The following SMO variants were observed in gnomAD, a reference collection of about 807,000 sequenced individuals.
SMO encodes the protein protein smoothened.
A neutral mutation model predicts 81.6 loss-of-function variants in SMO; 40 were observed. The observed-to-expected ratio is 0.49, with a 90% CI of 0.38 to 0.64. SMO has a LOEUF of 0.64. Among genes scored for constraint, SMO ranks in the 30% least tolerant of loss-of-function variants. The probability of loss-of-function intolerance (pLI) is 0.00; values close to 1 mark genes in which losing one functional copy is unlikely to be tolerated. For missense variants in SMO, 916 were observed against 1,061.1 expected (o/e 0.86, Z 1.90); for synonymous variants, 434 against 432.1 (o/e 1.00, Z -0.05).
rs769898096 is a variant in SMO, at chr7:129,205,420, G to A, written c.747+8G>A. 5.0e-6 allele frequency: 8 copies of A among 1,604,842 alleles called. No homozygotes were observed. The highest frequency in any genetic ancestry group is 4.0e-5 in the African/African-American group (3 of 74,692). Reference sequence around the variant, plus strand: ...TGCACGCTCTTCACCCTGGTCAGCCGCGGGAGGGCAGGCCCGGGGGGCCCT... The same window carrying A: ...TGCACGCTCTTCACCCTGGTCAGCCACGGGAGGGCAGGCCCGGGGGGCCCT... On this transcript the variant is annotated splice_region_variant and intron_variant, in intron 3 of 11. Transcript: ENST00000249373.
At position 129,208,995 on chromosome 7, in the gene SMO, AG is replaced by A. The variant is rs1490382424; in HGVS notation, c.1357+145del. On this transcript the variant is annotated intron_variant, in intron 7 of 11. Transcript: ENST00000249373. The surrounding 1 kb of genome is among the most constrained non-coding windows in gnomAD (Gnocchi z 5.2). Reference sequence around the variant, plus strand: ...AGGACAAGGGGTGTGTGTAGGTGGTAGTGGTAGTGGCAGCTCAAAAGAAGGG... The same window carrying A: ...AGGACAAGGGGTGTGTGTAGGTGGTATGGTAGTGGCAGCTCAAAAGAAGGG... 1.7e-5 allele frequency: 11 copies of A among 648,414 alleles called. No homozygotes were observed. Among genetic ancestry groups the A allele is most frequent in the Non-Finnish European group, 3.1e-5 (11 of 359,688 alleles). The allele number at this position is 648,414 out of a possible 1,614,324, so 40.2% of individuals were successfully genotyped here. A position where few individuals can be genotyped will look rare whatever the true frequency, so the allele number is the denominator to read the frequency against.
chr7:129,200,030 TG>T (rs1170488852), intron 1 of SMO, among the ~76,000 whole-genome samples: 1 of 152,228 alleles, frequency 6.6e-6, no homozygotes, highest in Non-Finnish European at 1.5e-5. Context: ...TTATGATTTT[TG>T]TATCGATTTT....
In SMO at chr7:129,206,403, G is replaced by A. The variant is rs199913216; in HGVS notation, c.1140+34G>A. On this transcript the variant is annotated intron_variant, in intron 5 of 11. Transcript: ENST00000249373. The surrounding 1 kb of genome is among the most constrained non-coding windows in gnomAD (Gnocchi z 4.4). ...ACTGGTAGGAACGGGAGACCTGGAT[G>A]GGGTGAGTTTGAGGGAGGGGGCCAG... 1,951 of 1,613,646 alleles carry A rather than the reference G, an allele frequency of 1.2e-3. 2 individuals carry two copies. The highest frequency in any genetic ancestry group is 1.1e-3 in the Non-Finnish European group (1,253 of 1,179,890).
In SMO at chr7:129,210,965, G is replaced by A. The variant is rs746009867; in HGVS notation, c.1653G>A (p.Arg551=). Residue 551 remains arginine, a splice_region_variant and synonymous_variant, in exon 10 of 12, where the codon AGG becomes AGA. Transcript: ENST00000249373. This position sits in a 1 kb window ranked among gnomAD's most constrained non-coding sequence, Gnocchi z 4.7. ...TLLIWRRTWC[R]LTGQSDDEPK... The stretch of plus-strand genomic sequence containing the variant: ...CCTTCCCTATCCCTTCTGCTCTCAG[G>A]TTGACTGGGCAGAGTGACGATGAGC... 5 of 1,604,774 alleles carry A rather than the reference G, an allele frequency of 3.1e-6. No homozygotes were observed. Among genetic ancestry groups the A allele is most frequent in the Non-Finnish European group, 4.3e-6 (5 of 1,175,442 alleles).
In SMO at chr7:129,211,617, C is replaced by T. The variant is rs2150655470; in HGVS notation, c.1802-19C>T. The T allele has an allele frequency of 1.9e-6, 3 of 1,610,880 alleles. No homozygotes were observed. Among genetic ancestry groups the T allele is most frequent in the Non-Finnish European group, 1.7e-6 (2 of 1,179,002 alleles). Reference sequence around the variant, plus strand: ...GGAAGTCACTATTCCTTCTCCTTTCCTTCCTTCCATTCCCACAGCGGGCTT... The same window carrying T: ...GGAAGTCACTATTCCTTCTCCTTTCTTTCCTTCCATTCCCACAGCGGGCTT... On this transcript the variant is annotated intron_variant, in intron 10 of 11. Transcript: ENST00000249373. The surrounding 1 kb of genome is among the most constrained non-coding windows in gnomAD (Gnocchi z 4.6).
At chr7:129,205,104 T>C in intron 2 of SMO, 99 bp from the exon 3 acceptor site, 1 of 1,046,144 alleles carries the variant, frequency 9.6e-7, no homozygotes, top group Non-Finnish European at 1.5e-6. Context: ...TGGAAGTGTA[T>C]CTCCAGCCAC....
chr7:129,190,180 T>C (rs1400467184), intron 1 of SMO, among the ~76,000 whole-genome samples: 1 of 152,156 alleles, frequency 6.6e-6, no homozygotes, highest in Non-Finnish European at 1.5e-5. Flanking sequence ...TGTGTTTTCT[T>C]TGGAAATTTG....
rs756439686 is a variant in SMO, at chr7:129,208,873, C to T, written c.1357+22C>T. 12 of 1,565,670 alleles carry T rather than the reference C, an allele frequency of 7.7e-6. No individual in the cohort carries two copies. Among genetic ancestry groups the T allele is most frequent in the African/African-American group, 6.8e-5 (5 of 73,932 alleles). On this transcript the variant is annotated intron_variant, in intron 7 of 11. Coordinates refer to ENST00000249373, the MANE Select transcript of SMO (RefSeq NM_005631.5). The surrounding 1 kb of genome is among the most constrained non-coding windows in gnomAD (Gnocchi z 5.2). Reference sequence around the variant, plus strand: ...CTGGGTGAGTGGCCCCGGGGGACTTCGGTCTGAGGTCCTGGCCAGCCCAAC... The same window carrying T: ...CTGGGTGAGTGGCCCCGGGGGACTTTGGTCTGAGGTCCTGGCCAGCCCAAC...
At chr7:129,199,123 C>T (rs1352082347) in intron 1 of SMO, among the ~76,000 whole-genome samples, 4 of 151,170 alleles carry the variant, frequency 2.6e-5, no homozygotes. Context: ...TTATTCCTAC[C>T]AACAAATATA....
intron 1 of SMO, among the ~76,000 whole-genome samples, chr7:129,198,678 G>A (rs945337428): frequency 7.2e-5 from 11 of 152,194 alleles, no homozygotes; most frequent in Admixed American, 1.3e-4. Context: ...GATACTCACC[G>A]TTGTGTTACA....
chr7:129,204,769 G>A (rs1793731195), intron 2 of SMO, among the ~76,000 whole-genome samples: 1 of 152,086 alleles, frequency 6.6e-6, no homozygotes, highest in Non-Finnish European at 1.5e-5. Flanking sequence ...TGTAATCCCA[G>A]CACTTTGGGA....
intron 7 of SMO, 184 bp from the exon 8 acceptor site, chr7:129,209,105 C>T (rs1025551872): frequency 6.5e-6 from 4 of 610,756 alleles, no homozygotes; most frequent in Non-Finnish European, 1.2e-5. Context: ...GTCCCTCCCA[C>T]AGTTGCTTCA....
Position 129,212,495 on chromosome 7 carries a change from C to A in SMO, c.*44C>A, listed in dbSNP as rs368336194. 2.3e-5 allele frequency: 35 copies of A among 1,543,934 alleles called. No individual in the cohort carries two copies. In the African/African-American group the frequency reaches 4.1e-4, roughly 18 times the overall value. On this transcript the variant is annotated 3_prime_UTR_variant, in exon 12 of 12. Transcript: ENST00000249373. This position sits in a 1 kb window ranked among gnomAD's most constrained non-coding sequence, Gnocchi z 5.0. ...GGGACAGGAAAGAGAGGAACCAATA[C>A]CTTCAAGGCTCTTCTTCCTCACCGA...
rs76528451 is a variant in SMO, at chr7:129,207,340, C to T, written c.1264+753C>T. 3.2e-3 allele frequency among the ~76,000 whole-genome samples: 493 copies of T among 152,290 alleles called. 20 individuals are homozygous for T. In the East Asian group the frequency reaches 0.083, roughly 26 times the overall value. On this transcript the variant is annotated intron_variant, in intron 6 of 11. Transcript: ENST00000249373. ...TTGGTTTTCATCTTCTTTCTGTCCC[C>T]GGCACACACAGCTCTCACAGCATGC...
At chr7:129,203,673 G>T in intron 2 of SMO, 84 bp downstream of exon 2, 1 of 1,112,182 alleles carries the variant, frequency 9.0e-7, no homozygotes, top group Non-Finnish European at 1.3e-6. Flanking sequence ...GAGCAGGGGA[G>T]CCCAGAGCTT....
In SMO at chr7:129,212,031, A is replaced by G. The variant is rs776709311; in HGVS notation, c.1944A>G (p.Pro648=). The part of the protein sequence containing the change: ...SVTPVATPVP[P]EEQANLWLVE... ...TGTCTCTCCTCCTGTCAGTGCCCCC[A>G]GAGGAACAAGCCAACCTGTGGCTGG... The change falls in exon 12 of 12, where the codon CCA becomes CCG. Residue 648 remains proline, a synonymous_variant. Transcript: ENST00000249373. This position sits in a 1 kb window ranked among gnomAD's most constrained non-coding sequence, Gnocchi z 5.0. 59 of 1,585,854 alleles carry G rather than the reference A, an allele frequency of 3.7e-5. No individual in the cohort carries two copies. The highest frequency in any genetic ancestry group is 4.8e-5 in the Non-Finnish European group (56 of 1,172,772).
intron 1 of SMO, among the ~76,000 whole-genome samples, chr7:129,202,011 C>CT (rs1793679390): frequency 6.6e-6 from 1 of 152,082 alleles, no homozygotes; most frequent in African/African-American, 2.4e-5. Flanking sequence ...CAAGTGGGAA[C>CT]TGTTGCCTGA....
intron 1 of SMO, among the ~76,000 whole-genome samples, chr7:129,197,559 C>T (rs919985930): frequency 6.6e-6 from 1 of 152,132 alleles, no homozygotes; most frequent in Non-Finnish European, 1.5e-5. Flanking sequence ...TCCCAAGTAT[C>T]TGGGACTACA....
chr7:129,199,170 G>GT, intron 1 of SMO, among the ~76,000 whole-genome samples: 1 of 143,090 alleles, frequency 7.0e-6, no homozygotes, highest in East Asian at 2.0e-4. Flanking sequence ...TTATAGTACG[G>GT]TATTTTCTTT....
Sources: allele counts gnomAD v4.1 joint callset (sites outside exome capture counted in the v4.1 genomes callset), GRCh38; gene constraint gnomAD v4.1.1; non-coding constraint Gnocchi (gnomAD v3.1); transcripts MANE v1.5; gene names NCBI Gene and HGNC (gene_info 2026-07-23, HGNC 2026-07-21).